The following GLIS3 variants were observed in gnomAD, a reference collection of about 807,000 sequenced individuals.
GLIS3 encodes the protein zinc finger protein GLIS3.
Under a neutral mutation model 78.6 loss-of-function variants are expected in GLIS3, and 53 were observed. The observed-to-expected ratio is 0.67, with a 90% CI of 0.54 to 0.85. GLIS3 has a LOEUF of 0.85. Ranked by LOEUF, GLIS3 falls within the 40% of genes least tolerant of loss-of-function variation. GLIS3 has a pLI of 0.00. For synonymous variants in GLIS3, 684 were observed against 509.9 expected (o/e 1.34, Z -4.60); for missense variants, 1,703 against 1,231.1 (o/e 1.38, Z -5.74).
intron 4 of GLIS3, among the ~76,000 whole-genome samples, chr9:4,009,763 C>A (rs761275707): frequency 2.6e-5 from 4 of 152,200 alleles, no homozygotes; most frequent in Non-Finnish European, 4.4e-5. Context: ...GCCTCAGGCA[C>A]AGGAAAAGCC....
intron 2 of GLIS3, among the ~76,000 whole-genome samples, chr9:4,149,801 G>A (rs1057337354): frequency 4.6e-5 from 7 of 152,314 alleles, no homozygotes; most frequent in Admixed American, 4.6e-4. Flanking sequence ...ACAAAATAAT[G>A]TCTGGTAAAA....
intron 6 of GLIS3, among the ~76,000 whole-genome samples, chr9:3,929,784 C>A (rs1270946817): frequency 6.6e-6 from 1 of 152,086 alleles, no homozygotes; most frequent in Non-Finnish European, 1.5e-5. Flanking sequence ...TTGATTAATT[C>A]ACATTTTTGT....
At chr9:4,243,492 G>A (rs1446857525) in intron 2 of GLIS3, among the ~76,000 whole-genome samples, 1 of 152,032 alleles carries the variant, frequency 6.6e-6, no homozygotes, top group African/African-American at 2.4e-5. Context: ...AATGAGAAAT[G>A]GTTCTAAGCA....
At chr9:3,904,587 T>C (rs1823534488) in intron 6 of GLIS3, among the ~76,000 whole-genome samples, 2 of 152,222 alleles carry the variant, frequency 1.3e-5, no homozygotes, top group African/African-American at 4.8e-5. Context: ...TATGACCGTT[T>C]GTTTCAGGTC....
chr9:3,935,196 T>A (rs1405469939), intron 5 of GLIS3, among the ~76,000 whole-genome samples: 1 of 152,180 alleles, frequency 6.6e-6, no homozygotes, highest in African/African-American at 2.4e-5. Flanking sequence ...AAGTATAGTT[T>A]GTTTTTAAAA....
At chr9:3,951,878 A>ACG (rs1554654407) in intron 4 of GLIS3, among the ~76,000 whole-genome samples, 3 of 148,708 alleles carry the variant, frequency 2.0e-5, no homozygotes, top group Non-Finnish European at 4.5e-5. Flanking sequence ...ACACACACAC[A>ACG]CACACACGCA....
chr9:4,042,327 G>T (rs1824884037), intron 4 of GLIS3, among the ~76,000 whole-genome samples: 1 of 152,122 alleles, frequency 6.6e-6, no homozygotes, highest in Non-Finnish European at 1.5e-5. Context: ...AAGTGAAATG[G>T]GAACAGTGTT....
At chr9:4,031,239 C>T (rs1263117237) in intron 4 of GLIS3, among the ~76,000 whole-genome samples, 2 of 152,086 alleles carry the variant, frequency 1.3e-5, no homozygotes, top group Non-Finnish European at 2.9e-5. Flanking sequence ...CCCAAATTTC[C>T]ATCAACAGAT....
chr9:4,013,967 G>C (rs974924049), intron 4 of GLIS3, among the ~76,000 whole-genome samples: 1 of 152,180 alleles, frequency 6.6e-6, no homozygotes, highest in Admixed American at 6.5e-5. Context: ...ACAGGGGAGT[G>C]CCTTTTACTT....
intron 4 of GLIS3, among the ~76,000 whole-genome samples, chr9:3,983,869 G>A (rs987234972): frequency 9.2e-5 from 14 of 152,190 alleles, no homozygotes; most frequent in East Asian, 1.9e-4. Context: ...CTGAAAATGC[G>A]ATAGAAAAGA....
intron 2 of GLIS3, among the ~76,000 whole-genome samples, chr9:4,317,422 C>T (rs1419433405): frequency 6.6e-6 from 1 of 152,174 alleles, no homozygotes; most frequent in African/African-American, 2.4e-5. Context: ...CTTCTTGCAG[C>T]CACACTTGAG....
intron 2 of GLIS3, among the ~76,000 whole-genome samples, chr9:4,248,278 C>T (rs1823998700): frequency 6.6e-6 from 1 of 152,102 alleles, no homozygotes; most frequent in Non-Finnish European, 1.5e-5. Flanking sequence ...GTGATGTTCC[C>T]CTCCATGTTT....
chr9:3,962,051 T>G (rs541172978), intron 4 of GLIS3, among the ~76,000 whole-genome samples: 6 of 151,810 alleles, frequency 4.0e-5, no homozygotes, highest in Admixed American at 1.3e-4. Flanking sequence ...CAAAAAATAA[T>G]AATAATAAAA....
chr9:3,959,453 A>G (rs577394860), intron 4 of GLIS3, among the ~76,000 whole-genome samples: 2 of 152,336 alleles, frequency 1.3e-5, no homozygotes, highest in East Asian at 3.9e-4. Context: ...ACAATCAGAA[A>G]ATGTAATTCC....
At chr9:3,959,257 C>T (rs1047575375) in intron 4 of GLIS3, among the ~76,000 whole-genome samples, 14 of 152,322 alleles carry the variant, frequency 9.2e-5, no homozygotes, top group African/African-American at 1.9e-4. Context: ...CGTGAGGACA[C>T]ACGGAGTGGG....
rs1817822919 is a variant in GLIS3, at chr9:3,828,113, C to T, written c.*159G>A. ...ACTGTAATGATTCCTGCAAAGCTAGCTCTGCCATTCAGTCCTGCCTTCTGA... is the reference window on the plus strand; with the variant it reads ...ACTGTAATGATTCCTGCAAAGCTAGTTCTGCCATTCAGTCCTGCCTTCTGA... On this transcript the variant is annotated 3_prime_UTR_variant, in exon 11 of 11. Transcript: ENST00000381971. 1.3e-6 allele frequency: 1 copy of T among 776,390 alleles called. No individual in the cohort carries two copies. The allele number at this position is 776,390 out of a possible 1,614,324, so 48.1% of individuals were successfully genotyped here.
chr9:3,908,379 T>C (rs879448976), intron 6 of GLIS3, among the ~76,000 whole-genome samples: 30 of 152,204 alleles, frequency 2.0e-4, no homozygotes, highest in Admixed American at 1.4e-3. Flanking sequence ...GGAAGGCTCA[T>C]GGACATAGAC....
intron 2 of GLIS3, among the ~76,000 whole-genome samples, chr9:4,325,956 G>A (rs553269803): frequency 1.3e-5 from 2 of 152,232 alleles, no homozygotes; most frequent in South Asian, 4.2e-4. Flanking sequence ...CAAGAACAGA[G>A]AAACAAACAC....
intron 2 of GLIS3, among the ~76,000 whole-genome samples, chr9:4,187,626 G>A (rs1290245943): frequency 6.6e-6 from 1 of 152,214 alleles, no homozygotes; most frequent in African/African-American, 2.4e-5. Context: ...TCCTACCCAT[G>A]AGCATGGAAT....
Sources: gnomAD v4.1 joint callset for allele counts (sites outside exome capture counted in the v4.1 genomes callset) on GRCh38, gnomAD v4.1.1 for gene constraint, MANE v1.5 for transcripts, NCBI Gene and HGNC (gene_info 2026-07-23, HGNC 2026-07-21) for gene names.